Variants in LARGE1 observed in about 807,000 individuals in gnomAD.
LARGE1 encodes the protein LARGE xylosyl- and glucuronyltransferase 1, also known as xylosyl- and glucuronyltransferase LARGE1.
In LARGE1, 43 loss-of-function variants were observed where a neutral mutation model predicts 87.6. The ratio of observed to expected loss-of-function variants is 0.49; its 90% confidence interval spans 0.38 to 0.63. The LOEUF (loss-of-function observed/expected upper bound fraction) is 0.63. Ranked by LOEUF, LARGE1 falls within the 30% of genes least tolerant of loss-of-function variation. LARGE1 has a pLI of 0.00. For synonymous variants in LARGE1, 434 were observed against 394.6 expected (o/e 1.10, Z -1.18); for missense variants, 802 against 1,000.2 (o/e 0.80, Z 2.67).
chr22:33,822,349 C>T (rs189740684), intron 1 of LARGE1, among the ~76,000 whole-genome samples: 63 of 152,282 alleles, frequency 4.1e-4, no homozygotes, highest in African/African-American at 1.5e-3. Context: ...CTTTCAAATG[C>T]ACTGTTGTGC....
the LARGE1 span, among the ~76,000 whole-genome samples, chr22:33,135,354 C>T: frequency 6.6e-6 from 1 of 152,122 alleles, no homozygotes; most frequent in African/African-American, 2.4e-5. Context: ...AAGAGGCTAT[C>T]GGTTTGGTGA....
At chr22:33,471,166 T>A (rs1448487702) in intron 6 of LARGE1, among the ~76,000 whole-genome samples, 1 of 151,972 alleles carries the variant, frequency 6.6e-6, no homozygotes, top group Non-Finnish European at 1.5e-5. Context: ...TAGCTGGGGT[T>A]AAGGGCACAC....
chr22:33,509,160 C>T (rs1417501872), intron 6 of LARGE1, among the ~76,000 whole-genome samples: 2 of 152,178 alleles, frequency 1.3e-5, no homozygotes, highest in Non-Finnish European at 2.9e-5. Flanking sequence ...CTGAGGGCCC[C>T]ACCCCTAGGG....
At chr22:33,361,220 T>TAATA (rs1555903144) in intron 9 of LARGE1, among the ~76,000 whole-genome samples, 1 of 148,498 alleles carries the variant, frequency 6.7e-6, no homozygotes, top group African/African-American at 2.5e-5. Flanking sequence ...AAAATAATAA[T>TAATA]AATAAATAAA....
rs895783343 is a variant in LARGE1 at position 33,554,920 on chromosome 22, C to G, written c.787+9928G>C. ...TGTCAGGCACTGTTCTGTGCTGGGACATATCAGGCATAAAACAGACAAAGA... is the reference window on the plus strand; with the variant it reads ...TGTCAGGCACTGTTCTGTGCTGGGAGATATCAGGCATAAAACAGACAAAGA... On this transcript the variant is annotated intron_variant, in intron 6 of 14. Transcript: ENST00000397394. Among the ~76,000 whole-genome samples, 9 of 152,204 alleles carry G rather than the reference C, an allele frequency of 5.9e-5. No homozygotes were observed. In the East Asian group the frequency reaches 1.5e-3, roughly 26 times the overall value.
intron 5 of LARGE1, among the ~76,000 whole-genome samples, chr22:33,596,842 C>A (rs1036472813): frequency 6.6e-6 from 1 of 152,206 alleles, no homozygotes; most frequent in Non-Finnish European, 1.5e-5. Context: ...TCTCATTTAA[C>A]TGCAATCAAT....
At chr22:33,721,513 C>T (rs2083097048) in intron 2 of LARGE1, among the ~76,000 whole-genome samples, 1 of 152,148 alleles carries the variant, frequency 6.6e-6, no homozygotes, top group Admixed American at 6.5e-5. Flanking sequence ...AGGCAAAGAA[C>T]AAGAAAGTAC....
rs530372532 is a variant in LARGE1 at position 33,356,750 on chromosome 22, T to C, written c.1132-18949A>G. Among the ~76,000 whole-genome samples the C allele has an allele frequency of 3.2e-3, 487 of 151,624 alleles. 3 individuals carry two copies. Among genetic ancestry groups the C allele is most frequent in the African/African-American group, 0.011 (472 of 41,288 alleles). On this transcript the variant is annotated intron_variant, in intron 9 of 14. Transcript: ENST00000397394. ...ATGCCATTGCACTGTGCCTGGGCAA[T>C]AGAGTGAGACTCCATATCAAAAAAG...
At chr22:33,638,207 T>C (rs1271566102) in intron 3 of LARGE1, among the ~76,000 whole-genome samples, 5 of 152,286 alleles carry the variant, frequency 3.3e-5, no homozygotes, top group Non-Finnish European at 5.9e-5. Flanking sequence ...TCCATGAAGA[T>C]ACAATAGAAA....
chr22:33,340,296 A>C (rs1939002326), intron 9 of LARGE1, among the ~76,000 whole-genome samples: 1 of 151,704 alleles, frequency 6.6e-6, no homozygotes, highest in African/African-American at 2.4e-5. Flanking sequence ...ACTGTGTCTG[A>C]GATCAGCACA....
intron 11 of LARGE1, among the ~76,000 whole-genome samples, chr22:33,305,222 G>C (rs1329408091): frequency 6.6e-6 from 1 of 152,090 alleles, no homozygotes; most frequent in Non-Finnish European, 1.5e-5. Context: ...GGAAACAAAA[G>C]TCTACCTGGG....
At chr22:33,071,904 T>TC in the LARGE1 span, among the ~76,000 whole-genome samples, 2 of 152,180 alleles carry the variant, frequency 1.3e-5, no homozygotes, top group African/African-American at 4.8e-5. Flanking sequence ...TCCTGACTCT[T>TC]CCCACGTGGG....
intron 2 of LARGE1, among the ~76,000 whole-genome samples, chr22:33,706,553 T>G (rs1277608221): frequency 1.3e-5 from 2 of 152,206 alleles, no homozygotes; most frequent in Non-Finnish European, 2.9e-5. Flanking sequence ...GGACAACTAA[T>G]AAAATTATTA....
At chr22:33,542,122 A>G (rs2077228565) in intron 6 of LARGE1, among the ~76,000 whole-genome samples, 1 of 143,332 alleles carries the variant, frequency 7.0e-6, no homozygotes, top group South Asian at 2.2e-4. Context: ...AGATCGCACC[A>G]CTGCACTCCA....
intron 6 of LARGE1, among the ~76,000 whole-genome samples, chr22:33,481,661 CA>C (rs2069333424): frequency 6.6e-6 from 1 of 152,130 alleles, no homozygotes; most frequent in African/African-American, 2.4e-5. Flanking sequence ...GTTGGATGAG[CA>C]GAGATTTCAT....
chr22:33,270,199 G>T (rs1302487866), downstream of LARGE1, among the ~76,000 whole-genome samples: 1 of 152,066 alleles, frequency 6.6e-6, no homozygotes, highest in Non-Finnish European at 1.5e-5. Context: ...AAAGATCATG[G>T]TATATCCGAC....
In LARGE1 at chr22:33,235,679, G is replaced by A. The variant is rs996171187; in HGVS notation, c.1730+68550C>T. ...CTCCGGGTGGCATGGACTTCTCATA[G>A]CAGGATGGCTTGGTTCCAAGAGGAG... is the stretch of plus-strand genomic sequence containing the variant. On this transcript the variant is annotated intron_variant, in intron 11 of 11. Coordinates refer to the LARGE1 transcript ENST00000608642. 1.8e-4 allele frequency among the ~76,000 whole-genome samples: 28 copies of A among 152,152 alleles called. 1 individual carries two copies. The highest frequency in any genetic ancestry group is 1.7e-3 in the Admixed American group (26 of 15,272).
At chr22:33,384,140 A>C (rs2147133688) in intron 8 of LARGE1, 52 bp downstream of exon 8, 1 of 1,254,662 alleles carries the variant, frequency 8.0e-7, no homozygotes, top group East Asian at 2.3e-5. Flanking sequence ...TCTTTGAGAA[A>C]CAGCACCAAG....
intron 10 of LARGE1, among the ~76,000 whole-genome samples, chr22:33,329,925 T>G (rs530758099): frequency 6.6e-6 from 1 of 152,156 alleles, no homozygotes; most frequent in South Asian, 2.1e-4. Context: ...GAATGGAAAC[T>G]TTCTATGCTA....
Sources: gnomAD v4.1 joint callset for allele counts (sites outside exome capture counted in the v4.1 genomes callset) on GRCh38, gnomAD v4.1.1 for gene constraint, MANE v1.5 for transcripts, NCBI Gene and HGNC (gene_info 2026-07-23, HGNC 2026-07-21) for gene names.